FRMD4B: variants seen among roughly 807,000 people sequenced by gnomAD.
FRMD4B encodes the protein FERM domain containing 4B, also known as FERM domain-containing protein 4B.
In FRMD4B, 74 loss-of-function variants were observed where a neutral mutation model predicts 141.5. The ratio of observed to expected loss-of-function variants is 0.52; its 90% CI spans 0.43 to 0.63. The LOEUF (loss-of-function observed/expected upper bound fraction) is 0.63. Ranked by LOEUF, FRMD4B falls within the 30% of genes least tolerant of loss-of-function variation. The pLI, the probability that FRMD4B is intolerant of heterozygous loss-of-function variation, is 0.00. For missense variants in FRMD4B, 1,366 were observed against 1,253.4 expected (o/e 1.09, Z -1.36); for synonymous variants, 506 against 467.9 (o/e 1.08, Z -1.05).
At chr3:69,254,517 T>C (rs1403015681) in intron 5 of FRMD4B, among the ~76,000 whole-genome samples, 3 of 152,098 alleles carry the variant, frequency 2.0e-5, no homozygotes, top group East Asian at 1.9e-4. Context: ...GGGAAAACAG[T>C]AACTCTTCCA....
At chr3:69,409,319 C>A (rs1363326552) in intron 2 of FRMD4B, among the ~76,000 whole-genome samples, 3 of 152,182 alleles carry the variant, frequency 2.0e-5, no homozygotes, top group Non-Finnish European at 4.4e-5. Flanking sequence ...ACATTTCCAA[C>A]AAGAATTCAT....
intron 11 of FRMD4B, among the ~76,000 whole-genome samples, chr3:69,207,600 G>C (rs1300812353): frequency 3.0e-4 from 46 of 152,072 alleles, no homozygotes; most frequent in Non-Finnish European, 5.9e-5. Flanking sequence ...ACGAGGTCAA[G>C]AGATCGAAAC....
At chr3:69,314,177 T>TC (rs1701718490) in intron 1 of FRMD4B, among the ~76,000 whole-genome samples, 1 of 34,036 alleles carries the variant, frequency 2.9e-5, no homozygotes, top group Non-Finnish European at 4.8e-5. Context: ...AAAAAAAGCC[T>TC]CTCCATCCCA....
intron 1 of FRMD4B, among the ~76,000 whole-genome samples, chr3:69,325,127 A>AAGAAAGAAAGAC (rs1702152400): frequency 2.7e-5 from 4 of 150,672 alleles, no homozygotes; most frequent in Non-Finnish European, 5.9e-5. Context: ...GAAAGAAAGA[A>AAGAAAGAAAGAC]AAGAAATTAA....
chr3:69,354,801 T>C lies in FRMD4B; in HGVS notation c.162+31027A>G, dbSNP rs569153357. On this transcript the variant is annotated intron_variant, in intron 1 of 22. Coordinates refer to ENST00000398540, the MANE Select transcript of FRMD4B (RefSeq NM_015123.3). ...TAATTACTATGACCACAATATACTGTCTGGGGAAGACATGGCAGCCTGTAA... is the reference window on the plus strand; with the variant it reads ...TAATTACTATGACCACAATATACTGCCTGGGGAAGACATGGCAGCCTGTAA... 1.8e-3 allele frequency among the ~76,000 whole-genome samples: 267 copies of C among 152,254 alleles called. 2 individuals carry two copies. Among genetic ancestry groups the C allele is most frequent in the African/African-American group, 6.0e-3 (250 of 41,550 alleles).
At chr3:69,534,989 A>AT (rs987849443) in intron 1 of FRMD4B, among the ~76,000 whole-genome samples, 13 of 152,038 alleles carry the variant, frequency 8.6e-5, no homozygotes, top group Non-Finnish European at 2.9e-5. Flanking sequence ...AATAGCTAGA[A>AT]TTTTTTTTAG....
chr3:69,461,315 G>C (rs1272472958), intron 1 of FRMD4B, among the ~76,000 whole-genome samples: 2 of 152,258 alleles, frequency 1.3e-5, no homozygotes, highest in African/African-American at 4.8e-5. Flanking sequence ...CCAGCACTTT[G>C]GAAGGCCAAG....
chr3:69,346,120 T>C (rs1183916414), intron 1 of FRMD4B, among the ~76,000 whole-genome samples: 1 of 151,790 alleles, frequency 6.6e-6, no homozygotes, highest in East Asian at 1.9e-4. Context: ...GAATAACCAG[T>C]GTAGAGATGT....
In FRMD4B at chr3:69,253,243, T is replaced by G. The variant is rs915670666; in HGVS notation, c.502-3144A>C. ...GGCAATGAGGATCAGGAAGATGAAG[T>G]GTAATGTCCAATCCCCTTGAACATG... On this transcript the variant is annotated intron_variant, in intron 5 of 22. Coordinates refer to ENST00000398540, the MANE Select transcript of FRMD4B (RefSeq NM_015123.3). Among the ~76,000 whole-genome samples the G allele has an allele frequency of 4.9e-4, 70 of 144,072 alleles. 1 individual carries two copies. Among genetic ancestry groups the G allele is most frequent in the African/African-American group, 1.4e-3 (52 of 38,492 alleles). The allele number at this position is 144,072 out of a possible 152,430, so 94.5% of individuals were successfully genotyped here.
At chr3:69,220,604 C>T (rs1200701263) in intron 9 of FRMD4B, among the ~76,000 whole-genome samples, 1 of 152,148 alleles carries the variant, frequency 6.6e-6, no homozygotes, top group East Asian at 1.9e-4. Context: ...ATAATCCCAG[C>T]ATTTTGGGAG....
chr3:69,435,373 GGA>G (rs1242048436), intron 1 of FRMD4B, among the ~76,000 whole-genome samples: 1 of 151,262 alleles, frequency 6.6e-6, no homozygotes, highest in Non-Finnish European at 1.5e-5. Context: ...AAAAAAAAAA[GGA>G]GAGGAAGGCC....
chr3:69,394,457 C>G lies in FRMD4B; in HGVS notation c.-1+38177G>C, dbSNP rs1381605429. On this transcript the variant is annotated intron_variant, in intron 2 of 5. Transcript: ENST00000459638. ...GGAACTTAACATGACAAAAAGTCCA[C>G]CCTTTGGGTTTACCCAATTTAATTA... Among the ~76,000 whole-genome samples, 5 of 152,220 alleles carry G rather than the reference C, an allele frequency of 3.3e-5. No homozygotes were observed. The East Asian group carries it at 9.6e-4, about 29-fold the overall frequency.
intron 1 of FRMD4B, among the ~76,000 whole-genome samples, chr3:69,328,475 G>C (rs1027688198): frequency 6.6e-6 from 1 of 152,170 alleles, no homozygotes; most frequent in Admixed American, 6.5e-5. Flanking sequence ...ATCTTGAATA[G>C]GACCTGGGTA....
At chr3:69,495,987 A>T (rs1215221227) in intron 1 of FRMD4B, among the ~76,000 whole-genome samples, 1 of 152,106 alleles carries the variant, frequency 6.6e-6, no homozygotes, top group Admixed American at 6.5e-5. Context: ...AGCCTGGACA[A>T]AAACCTTTTT....
intron 7 of FRMD4B, among the ~76,000 whole-genome samples, chr3:69,225,519 CAAA>C (rs35855787): frequency 2.5e-3 from 126 of 50,580 alleles, no homozygotes; most frequent in African/African-American, 0.011. Context: ...ACTAAAAATA[CAAA>C]AAAAAAAAAA....
chr3:69,361,615 C>T (rs1409797721), intron 1 of FRMD4B, among the ~76,000 whole-genome samples: 1 of 152,088 alleles, frequency 6.6e-6, no homozygotes, highest in Non-Finnish European at 1.5e-5. Context: ...TTTTTTAATA[C>T]CTGGCTTCTT....
chr3:69,397,630 A>G (rs762928411), intron 2 of FRMD4B, among the ~76,000 whole-genome samples: 7 of 152,210 alleles, frequency 4.6e-5, no homozygotes, highest in African/African-American at 7.2e-5. Context: ...CACATATAAT[A>G]TTGATCCCAT....
chr3:69,213,204 A>G (rs962316577), intron 11 of FRMD4B, among the ~76,000 whole-genome samples: 2 of 152,176 alleles, frequency 1.3e-5, no homozygotes, highest in African/African-American at 4.8e-5. Context: ...TGCTTAGAAT[A>G]TACACTGACA....
chr3:69,414,558 G>A (rs1036010271), intron 2 of FRMD4B, among the ~76,000 whole-genome samples: 14 of 152,222 alleles, frequency 9.2e-5, no homozygotes, highest in African/African-American at 3.1e-4. Context: ...GGCGTGATCC[G>A]CCTGCCTTGG....
Sources: allele counts gnomAD v4.1 joint callset (sites outside exome capture counted in the v4.1 genomes callset), GRCh38; gene constraint gnomAD v4.1.1; transcripts MANE v1.5; gene names NCBI Gene and HGNC (gene_info 2026-07-23, HGNC 2026-07-21).